ST18: variants seen among roughly 807,000 people sequenced by gnomAD.
The protein encoded by ST18 is suppression of tumorigenicity 18 protein.
In ST18, 50 loss-of-function variants were observed where a neutral mutation model predicts 110.0. The observed-to-expected ratio is 0.45, with a 90% CI of 0.36 to 0.58. The LOEUF is 0.58. Ranked by LOEUF, ST18 falls within the 20% of genes least tolerant of loss-of-function variation. ST18 has a pLI of 0.00. For synonymous variants in ST18, 461 were observed against 452.4 expected, an observed-to-expected ratio of 1.02 and a Z score of -0.24; for missense variants, 1,306 against 1,280.1, an observed-to-expected ratio of 1.02 and a Z score of -0.31.
At position 52,257,005 on chromosome 8, in the gene ST18, G is replaced by A. The variant is rs150555992; in HGVS notation, c.-464-26928C>T. Among the ~76,000 whole-genome samples the A allele has an allele frequency of 4.1e-3, 623 of 152,110 alleles. 4 individuals are homozygous for A. Among genetic ancestry groups the A allele is most frequent in the Non-Finnish European group, 6.9e-3 (469 of 67,996 alleles). On this transcript the variant is annotated intron_variant, in intron 2 of 25. Coordinates refer to ENST00000689386, the MANE Select transcript of ST18 (RefSeq NM_001352837.2). ...CCCAGGCAACCACTGATCTATTTCC[G>A]TCTTTGTAAATTTGCCAATTTTGGA... is the stretch of plus-strand genomic sequence containing the variant.
At chr8:52,125,316 G>A (rs868733781) in intron 23 of ST18, among the ~76,000 whole-genome samples, 1 of 151,964 alleles carries the variant, frequency 6.6e-6, no homozygotes, top group African/African-American at 2.4e-5. Flanking sequence ...CACAATTGAA[G>A]GATTCACATA....
intron 2 of ST18, among the ~76,000 whole-genome samples, chr8:52,371,307 C>A (rs887838098): frequency 6.6e-6 from 1 of 152,200 alleles, no homozygotes; most frequent in African/African-American, 2.4e-5. Context: ...GTTCTGAAAG[C>A]AGCTCTTGGC....
At chr8:52,370,738 A>G (rs2360792) in intron 2 of ST18, among the ~76,000 whole-genome samples, 121,825 of 151,972 alleles carry the variant, frequency 0.8, 51,240 homozygotes, top group Non-Finnish European at 0.92. Context: ...GTCCCTTTCT[A>G]TCATCACCCC....
intron 2 of ST18, among the ~76,000 whole-genome samples, chr8:52,282,804 C>G (rs899793865): frequency 2.0e-5 from 3 of 152,036 alleles, no homozygotes; most frequent in Non-Finnish European, 4.4e-5. Flanking sequence ...AGGGAAGAGG[C>G]CCCGAGAAAG....
At chr8:52,252,410 C>G (rs1457584144) in intron 2 of ST18, among the ~76,000 whole-genome samples, 2 of 151,900 alleles carry the variant, frequency 1.3e-5, no homozygotes, top group East Asian at 3.9e-4. Flanking sequence ...CATTTCTGGT[C>G]TTTTCTAGGT....
At chr8:52,220,244 C>T (rs371150007) in intron 5 of ST18, among the ~76,000 whole-genome samples, 1 of 152,138 alleles carries the variant, frequency 6.6e-6, no homozygotes. Flanking sequence ...AGAAATCAAG[C>T]TCCTTCATAT....
intron 2 of ST18, among the ~76,000 whole-genome samples, chr8:52,338,045 A>G (rs1308778414): frequency 6.6e-6 from 1 of 152,098 alleles, no homozygotes; most frequent in African/African-American, 2.4e-5. Flanking sequence ...TTCCTTTTAA[A>G]TTTTATTCAT....
intron 2 of ST18, among the ~76,000 whole-genome samples, chr8:52,381,981 AAAC>A (rs1834753036): frequency 3.3e-5 from 5 of 151,568 alleles, no homozygotes; most frequent in African/African-American, 7.3e-5. Flanking sequence ...AAACAAAAAA[AAAC>A]AAAAAAACAA....
intron 2 of ST18, among the ~76,000 whole-genome samples, chr8:52,330,642 C>T (rs1589970902): frequency 2.6e-5 from 4 of 152,336 alleles, no homozygotes; most frequent in Admixed American, 2.6e-4. Flanking sequence ...AGCTTCCACG[C>T]ATTATGACAT....
intron 2 of ST18, among the ~76,000 whole-genome samples, chr8:52,316,466 T>C (rs978979153): frequency 6.6e-6 from 1 of 152,202 alleles, no homozygotes; most frequent in African/African-American, 2.4e-5. Flanking sequence ...TGTGTAGAAT[T>C]TACACTTTTA....
At position 52,390,933 on chromosome 8, in the gene ST18, G is replaced by A. The variant is rs534364037; in HGVS notation, c.-465+18395C>T. Among the ~76,000 whole-genome samples the A allele has an allele frequency of 6.6e-5, 10 of 152,326 alleles. No individual in the cohort carries two copies. In the East Asian group the frequency reaches 1.9e-3, roughly 29 times the overall value. ...ACAGGAAGAAGAGAAATCTAGGATTGGTTTCCAATCAATAAATGGATAACA... is the reference window on the plus strand; with the variant it reads ...ACAGGAAGAAGAGAAATCTAGGATTAGTTTCCAATCAATAAATGGATAACA... On this transcript the variant is annotated intron_variant, in intron 2 of 25. Transcript: ENST00000689386.
At chr8:52,198,380 A>C (rs1244423497) in intron 8 of ST18, among the ~76,000 whole-genome samples, 3 of 152,238 alleles carry the variant, frequency 2.0e-5, no homozygotes, top group African/African-American at 7.2e-5. Context: ...TGTTTGGCTC[A>C]TAAATATAGG....
intron 8 of ST18, among the ~76,000 whole-genome samples, chr8:52,190,404 AT>A (rs1043585061): frequency 1.3e-5 from 2 of 151,838 alleles, no homozygotes; most frequent in Non-Finnish European, 2.9e-5. Flanking sequence ...GGTCCCTATC[AT>A]TTTTTTTCCA....
intron 24 of ST18, among the ~76,000 whole-genome samples, chr8:52,117,827 C>T (rs922478723): frequency 3.3e-5 from 5 of 152,130 alleles, no homozygotes; most frequent in African/African-American, 4.8e-5. Context: ...CTGTTGATTT[C>T]CAGGAGATGA....
At chr8:52,349,810 C>G (rs957198904) in intron 2 of ST18, among the ~76,000 whole-genome samples, 1 of 151,562 alleles carries the variant, frequency 6.6e-6, no homozygotes, top group Non-Finnish European at 1.5e-5. Context: ...AAGGTGTGAG[C>G]AGGATGTGGG....
intron 2 of ST18, among the ~76,000 whole-genome samples, chr8:52,258,818 T>C (rs2094598796): frequency 6.6e-6 from 1 of 152,196 alleles, no homozygotes; most frequent in Admixed American, 6.5e-5. Context: ...TATGGGGAAA[T>C]ACTTTGGTGT....
intron 2 of ST18, among the ~76,000 whole-genome samples, chr8:52,364,239 T>C (rs1826920004): frequency 6.6e-6 from 1 of 152,162 alleles, no homozygotes; most frequent in Admixed American, 6.5e-5. Flanking sequence ...TAGCTAACCT[T>C]TGCTTTTTTT....
At chr8:52,365,813 C>T (rs1827680153) in intron 2 of ST18, among the ~76,000 whole-genome samples, 1 of 151,956 alleles carries the variant, frequency 6.6e-6, no homozygotes, top group South Asian at 2.1e-4. Flanking sequence ...ATCCTCCCAC[C>T]TCAGCCTCCT....
At chr8:52,178,008 C>T (rs2134063620) in intron 9 of ST18, among the ~76,000 whole-genome samples, 1 of 152,214 alleles carries the variant, frequency 6.6e-6, no homozygotes, top group Admixed American at 6.5e-5. Context: ...ACATAGTTAG[C>T]CTATTTTTGT....
Sources: allele counts gnomAD v4.1 joint callset (sites outside exome capture counted in the v4.1 genomes callset), GRCh38; gene constraint gnomAD v4.1.1; transcripts MANE v1.5; gene names NCBI Gene and HGNC (gene_info 2026-07-23, HGNC 2026-07-21).